SCHIP1: variants seen among roughly 807,000 people sequenced by gnomAD.
SCHIP1 encodes the protein schwannomin interacting protein 1.
In SCHIP1, 8 loss-of-function variants were observed where a neutral mutation model predicts 29.7. The ratio of observed to expected loss-of-function variants is 0.27; its 90% CI spans 0.16 to 0.49. The LOEUF is 0.49. SCHIP1 is among the 20% of genes least tolerant of loss of function. The pLI, the probability that SCHIP1 is intolerant of heterozygous loss-of-function variation, is 0.99. For synonymous variants in SCHIP1, 76 were observed against 94.9 expected, an observed-to-expected ratio of 0.80 and a Z score of 1.16; for missense variants, 193 against 294.6, an observed-to-expected ratio of 0.66 and a Z score of 2.52.
chr3:159,699,557 G>C, the SCHIP1 span, among the ~76,000 whole-genome samples: 6 of 152,176 alleles, frequency 3.9e-5, no homozygotes, highest in African/African-American at 1.4e-4. Context: ...ATGCTGGAGG[G>C]CTGTGCAAAC....
At chr3:159,731,688 C>A in the SCHIP1 span, among the ~76,000 whole-genome samples, 2 of 152,158 alleles carry the variant, frequency 1.3e-5, no homozygotes, top group Admixed American at 6.5e-5. Flanking sequence ...CTCTTTGAGG[C>A]GAGCAAGATC....
the SCHIP1 span, among the ~76,000 whole-genome samples, chr3:159,415,022 T>C: frequency 6.6e-6 from 1 of 152,206 alleles, no homozygotes; most frequent in Non-Finnish European, 1.5e-5. Flanking sequence ...TAAATGATTA[T>C]AGCCTATGTT....
At chr3:159,791,699 C>T in the SCHIP1 span, among the ~76,000 whole-genome samples, 8 of 152,302 alleles carry the variant, frequency 5.3e-5, no homozygotes, top group African/African-American at 1.7e-4. Flanking sequence ...AGCAGAAGCC[C>T]GTGGCTTCCT....
intron 5 of SCHIP1, 134 bp from the exon 7 acceptor site, chr3:159,891,963 C>G: frequency 1.0e-6 from 1 of 964,616 alleles, no homozygotes; most frequent in Admixed American, 3.1e-5. Flanking sequence ...CTGCAACATA[C>G]GATGTCTAAC....
upstream of SCHIP1, among the ~76,000 whole-genome samples, chr3:159,835,012 CCA>C (rs894323239): frequency 2.1e-4 from 32 of 152,110 alleles, no homozygotes; most frequent in Non-Finnish European, 4.7e-4. Flanking sequence ...TCCCTGATAT[CCA>C]CAGTATTAAT....
At chr3:159,531,031 CCTAT>C in the SCHIP1 span, among the ~76,000 whole-genome samples, 1 of 152,150 alleles carries the variant, frequency 6.6e-6, no homozygotes, top group Non-Finnish European at 1.5e-5. Flanking sequence ...CACAATTGAA[CCTAT>C]CTGTTTGTTT....
chr3:159,762,374 A>T, the SCHIP1 span, among the ~76,000 whole-genome samples: 1 of 152,260 alleles, frequency 6.6e-6, no homozygotes, highest in African/African-American at 2.4e-5. Context: ...GCCTCACAGA[A>T]ATCACTTCAA....
At chr3:159,523,657 A>T in the SCHIP1 span, among the ~76,000 whole-genome samples, 1 of 152,134 alleles carries the variant, frequency 6.6e-6, no homozygotes, top group African/African-American at 2.4e-5. Flanking sequence ...TCATTTATTT[A>T]CGCATCCATC....
At chr3:159,802,542 A>T in the SCHIP1 span, among the ~76,000 whole-genome samples, 3 of 152,074 alleles carry the variant, frequency 2.0e-5, no homozygotes, top group African/African-American at 4.8e-5. Context: ...GCCTGATTTT[A>T]AAAAAAAGAA....
At chr3:159,423,030 C>A in the SCHIP1 span, among the ~76,000 whole-genome samples, 83 of 152,316 alleles carry the variant, frequency 5.4e-4, no homozygotes, top group African/African-American at 2.0e-3. Context: ...GAAAAACATA[C>A]AAATATGCAT....
rs868483454 is a variant in SCHIP1, at chr3:159,858,977, A to G, written c.31-7186A>G. On this transcript the variant is annotated intron_variant, in intron 1 of 6. Transcript: ENST00000445224. ...CTTGACCTTTCTGGATGTTTAGTGT[A>G]AGTGACTGAAATGGAAAATGTCACA... Among the ~76,000 whole-genome samples, 9 of 152,390 alleles carry G rather than the reference A, an allele frequency of 5.9e-5. No homozygotes were observed. In the Middle Eastern group the frequency reaches 0.01, roughly 173 times the overall value.
chr3:159,852,322 G>A (rs548720858), intron 1 of SCHIP1, among the ~76,000 whole-genome samples: 3 of 152,288 alleles, frequency 2.0e-5, no homozygotes, highest in Admixed American at 2.0e-4. Flanking sequence ...ATGAAGGCTT[G>A]CCCTTTGAAT....
chr3:159,518,521 G>T, the SCHIP1 span, among the ~76,000 whole-genome samples: 61 of 152,112 alleles, frequency 4.0e-4, no homozygotes, highest in Admixed American at 1.0e-3. Flanking sequence ...TATGTCCATG[G>T]CAAAAACATT....
chr3:159,559,465 T>C, the SCHIP1 span, among the ~76,000 whole-genome samples: 1 of 152,256 alleles, frequency 6.6e-6, no homozygotes, highest in Non-Finnish European at 1.5e-5. Context: ...AAGTCATTGT[T>C]GTATGCATTT....
the SCHIP1 span, among the ~76,000 whole-genome samples, chr3:159,715,030 C>T: frequency 2.0e-5 from 3 of 152,286 alleles, 1 homozygote; most frequent in East Asian, 1.9e-4. Context: ...GGCTGGGTGC[C>T]CCTCTGAGAG....
At chr3:159,336,059 T>C in the SCHIP1 span, among the ~76,000 whole-genome samples, 112,637 of 152,106 alleles carry the variant, frequency 0.74, 42,400 homozygotes, top group African/African-American at 0.87. Flanking sequence ...GAAGGTATCT[T>C]ATTGTGGTTT....
chr3:159,301,319 A>T, the SCHIP1 span, among the ~76,000 whole-genome samples: 1 of 152,148 alleles, frequency 6.6e-6, no homozygotes, highest in Non-Finnish European at 1.5e-5. Context: ...CATGCTCCTA[A>T]CTGTTACTCT....
At chr3:159,280,683 T>C in the SCHIP1 span, among the ~76,000 whole-genome samples, 1 of 152,158 alleles carries the variant, frequency 6.6e-6, no homozygotes, top group African/African-American at 2.4e-5. Flanking sequence ...CCAGAGAGGT[T>C]TTGGCACTTT....
chr3:159,873,010 C>G (rs1160316764), intron 2 of SCHIP1, among the ~76,000 whole-genome samples: 1 of 152,124 alleles, frequency 6.6e-6, no homozygotes, highest in African/African-American at 2.4e-5. Flanking sequence ...TTTGAAAAAC[C>G]ATTAGGTAAC....
Sources: gnomAD v4.1 joint callset for allele counts (sites outside exome capture counted in the v4.1 genomes callset) on GRCh38, gnomAD v4.1.1 for gene constraint, MANE v1.5 for transcripts, NCBI Gene and HGNC (gene_info 2026-07-23, HGNC 2026-07-21) for gene names.